MIPOL1: variants seen among roughly 807,000 people sequenced by gnomAD.
MIPOL1 encodes mirror-image polydactyly gene 1 protein.
Under a neutral mutation model 60.9 loss-of-function variants are expected in MIPOL1, and 57 were observed. The observed-to-expected ratio is 0.94, with a 90% confidence interval of 0.76 to 1.17. The LOEUF (loss-of-function observed/expected upper bound fraction) is 1.17, where lower values mean the gene tolerates loss of function less well. Among genes scored for constraint, MIPOL1 ranks in the 50% most tolerant of loss-of-function variants. The pLI is 0.00. For missense variants in MIPOL1, 551 were observed against 511.6 expected (o/e 1.08, Z -0.74); for synonymous variants, 179 against 168.8 (o/e 1.06, Z -0.47).
chr14:37,364,868 T>C (rs1168576299), intron 9 of MIPOL1, among the ~76,000 whole-genome samples: 1 of 152,218 alleles, frequency 6.6e-6, no homozygotes, highest in Non-Finnish European at 1.5e-5. Flanking sequence ...AGGACTGTCT[T>C]TTCATTTTTT....
chr14:37,549,664 A>G lies in MIPOL1; in HGVS notation c.*2693A>G, dbSNP rs564369918. 5 of 152,080 alleles carry G rather than the reference A, an allele frequency of 3.3e-5. No individual in the cohort carries two copies. The South Asian group carries it at 1.0e-3, about 32-fold the overall frequency. The allele number at this position is 152,080 out of a possible 1,614,324, so 9.4% of individuals were successfully genotyped here. A position where few individuals can be genotyped will look rare whatever the true frequency, so the allele number is the denominator to read the frequency against. Reference sequence around the variant, plus strand: ...GATAGTACCATCTCTTTCACATACTACATACAAATTCCCTAATAATCAAAA... The same window carrying G: ...GATAGTACCATCTCTTTCACATACTGCATACAAATTCCCTAATAATCAAAA... On this transcript the variant is annotated 3_prime_UTR_variant, in exon 13 of 13. Coordinates refer to ENST00000684589, the MANE Select transcript of MIPOL1 (RefSeq NM_001388067.1).
chr14:37,522,377 C>T (rs1389020850), intron 12 of MIPOL1, among the ~76,000 whole-genome samples: 9 of 152,120 alleles, frequency 5.9e-5, no homozygotes, highest in Admixed American at 5.2e-4. Context: ...TTTTTCCCAT[C>T]GTGGACAAAG....
chr14:37,416,898 C>T lies in MIPOL1; in HGVS notation c.937-5957C>T, dbSNP rs538174198. 3.9e-5 allele frequency among the ~76,000 whole-genome samples: 6 copies of T among 152,230 alleles called. No homozygotes were observed. The South Asian group carries it at 1.2e-3, about 32-fold the overall frequency. On this transcript the variant is annotated intron_variant, in intron 10 of 12. Transcript: ENST00000684589. Reference sequence around the variant, plus strand: ...ATCTTCTGCTTCTTCATCTGCTGAGCGATCCAGCTAGTTTTTGTTTTCCTA... The same window carrying T: ...ATCTTCTGCTTCTTCATCTGCTGAGTGATCCAGCTAGTTTTTGTTTTCCTA...
intron 11 of MIPOL1, among the ~76,000 whole-genome samples, chr14:37,435,192 C>A (rs2153561976): frequency 6.6e-6 from 1 of 152,256 alleles, no homozygotes; most frequent in East Asian, 1.9e-4. Flanking sequence ...ACCTCTCTAA[C>A]CTTATTTCTT....
chr14:37,474,734 A>G (rs1246310564), intron 11 of MIPOL1, among the ~76,000 whole-genome samples: 1 of 152,102 alleles, frequency 6.6e-6, no homozygotes, highest in African/African-American at 2.4e-5. Flanking sequence ...TGGTTATACT[A>G]TTTTGCATCC....
At chr14:37,514,981 T>G (rs1159043728) in intron 12 of MIPOL1, among the ~76,000 whole-genome samples, 1 of 152,166 alleles carries the variant, frequency 6.6e-6, no homozygotes, top group Non-Finnish European at 1.5e-5. Context: ...TCACTTGGAT[T>G]CTAAGATTCC....
intron 10 of MIPOL1, among the ~76,000 whole-genome samples, chr14:37,404,131 A>G (rs1025864055): frequency 6.6e-6 from 1 of 152,230 alleles, no homozygotes; most frequent in Admixed American, 6.5e-5. Context: ...TAACATCCTC[A>G]TAATTAGAAA....
chr14:37,494,360 A>C (rs980425934), intron 11 of MIPOL1, among the ~76,000 whole-genome samples: 1 of 152,206 alleles, frequency 6.6e-6, no homozygotes, highest in African/African-American at 2.4e-5. Flanking sequence ...AGGAAAATCA[A>C]GATTTAGATT....
intron 3 of MIPOL1, among the ~76,000 whole-genome samples, chr14:37,257,095 T>TGTGTGTGTGTGTGTG (rs138371471): frequency 7.3e-6 from 1 of 137,708 alleles, no homozygotes; most frequent in African/African-American, 2.7e-5. Flanking sequence ...TGGTTTTGTT[T>TGTGTGTGTGTGTGTG]TGTGTGTGTG....
In MIPOL1 at chr14:37,308,200, A is replaced by G; in HGVS notation, c.657+111A>G. ...ATGTGGGAAAAAGAAGAATTGACAC[A>G]CTAATAATGTACATCTTTGCTGCAA... On this transcript the variant is annotated intron_variant, in intron 8 of 12. Transcript: ENST00000684589. The G allele has an allele frequency of 1.6e-6, 2 of 1,225,490 alleles. 1 individual carries two copies. The highest frequency in any genetic ancestry group is 2.9e-5 in the South Asian group (2 of 67,938). The allele number at this position is 1,225,490 out of a possible 1,614,324, so 75.9% of individuals were successfully genotyped here. A position where few individuals can be genotyped will look rare whatever the true frequency, so the allele number is the denominator to read the frequency against.
At chr14:37,366,325 G>A (rs1481813457) in intron 9 of MIPOL1, among the ~76,000 whole-genome samples, 2 of 151,722 alleles carry the variant, frequency 1.3e-5, no homozygotes, top group Admixed American at 1.3e-4. Flanking sequence ...TACTTTTGCT[G>A]TATCCTGTAG....
Position 37,256,474 on chromosome 14 carries a change from A to AT in MIPOL1, c.19+8572dup, listed in dbSNP as rs199656503. 5.0e-3 allele frequency among the ~76,000 whole-genome samples: 764 copies of AT among 152,072 alleles called. 5 individuals are homozygous for AT. The highest frequency in any genetic ancestry group is 0.017 in the African/African-American group (717 of 41,546). On this transcript the variant is annotated intron_variant, in intron 3 of 12. Transcript: ENST00000684589. The stretch of plus-strand genomic sequence containing the variant: ...ATTTCTATTTTAAGTAGATCAGATG[A>AT]TTTTTAAATGTTTATCAAAAAACCA...
In MIPOL1 at chr14:37,502,862, CT is replaced by C. The variant is rs1412898962; in HGVS notation, c.1262+2725del. On this transcript the variant is annotated intron_variant, in intron 12 of 12. Transcript: ENST00000684589. Reference sequence around the variant, plus strand: ...CATGTTCAAACCCATTACAAGGAAGCTAAAAACCTTGAAAAAAGGTTACATG... The same window carrying C: ...CATGTTCAAACCCATTACAAGGAAGCAAAAACCTTGAAAAAAGGTTACATG... The C allele has an allele frequency of 2.6e-5, 4 of 152,200 alleles. No homozygotes were observed. The East Asian group carries it at 5.8e-4, about 22-fold the overall frequency. The allele number at this position is 152,200 out of a possible 1,614,324, so 9.4% of individuals were successfully genotyped here.
intron 1 of MIPOL1, among the ~76,000 whole-genome samples, chr14:37,200,892 G>A (rs1389365331): frequency 2.9e-4 from 17 of 57,780 alleles, no homozygotes; most frequent in African/African-American, 1.8e-3. Context: ...GTGTGTGTGT[G>A]TGTGTGTATT....
At chr14:37,366,847 A>G (rs2092486030) in intron 9 of MIPOL1, among the ~76,000 whole-genome samples, 1 of 152,050 alleles carries the variant, frequency 6.6e-6, no homozygotes, top group Non-Finnish European at 1.5e-5. Context: ...TTGAGTGCAT[A>G]TATATTTAAA....
intron 9 of MIPOL1, among the ~76,000 whole-genome samples, chr14:37,326,973 CTA>C (rs978151173): frequency 2.0e-5 from 3 of 151,578 alleles, no homozygotes; most frequent in East Asian, 1.9e-4. Flanking sequence ...GAAAAAAAAA[CTA>C]TGAGTGTAGC....
intron 10 of MIPOL1, among the ~76,000 whole-genome samples, chr14:37,394,082 A>ATATC (rs1555329443): frequency 7.3e-6 from 1 of 136,336 alleles, no homozygotes. Context: ...ATATATATAT[A>ATATC]TATCTCCATG....
intron 5 of MIPOL1, among the ~76,000 whole-genome samples, chr14:37,269,694 T>G (rs2083145269): frequency 6.6e-6 from 1 of 152,174 alleles, no homozygotes. Flanking sequence ...TTGTCTTAAT[T>G]TTGTTTCAGA....
At chr14:37,273,116 G>A (rs1310972582) in intron 6 of MIPOL1, among the ~76,000 whole-genome samples, 1 of 150,920 alleles carries the variant, frequency 6.6e-6, no homozygotes, top group Non-Finnish European at 1.5e-5. Flanking sequence ...TATAATTTGA[G>A]ACATTTTGTA....
Sources: gnomAD v4.1 joint callset for allele counts (sites outside exome capture counted in the v4.1 genomes callset) on GRCh38, gnomAD v4.1.1 for gene constraint, MANE v1.5 for transcripts, NCBI Gene and HGNC (gene_info 2026-07-23, HGNC 2026-07-21) for gene names.